Variants in YWHAZ observed in about 807,000 individuals in gnomAD.
YWHAZ encodes tyrosine 3-monooxygenase/tryptophan 5-monooxygenase activation protein zeta.
For synonymous variants in YWHAZ, 87 were observed against 103.6 expected, an observed-to-expected ratio of 0.84 and a Z score of 0.97; for missense variants, 79 against 284.8, an observed-to-expected ratio of 0.28 and a Z score of 5.20.
rs1171670101 is a variant in YWHAZ, at chr8:100,920,602, G to A, written c.*91C>T. 3.0e-5 allele frequency: 37 copies of A among 1,231,500 alleles called. No individual in the cohort carries two copies. In the South Asian group the frequency reaches 3.8e-4, roughly 13 times the overall value. The allele number at this position is 1,231,500 out of a possible 1,614,324, so 76.3% of individuals were successfully genotyped here. On this transcript the variant is annotated 3_prime_UTR_variant, in exon 6 of 6. Coordinates refer to ENST00000395958, the MANE Select transcript of YWHAZ (RefSeq NM_145690.3). ...AAGTAACATAAACCTGTCATAAATC[G>A]TAAACAAAAAACTATTTGTGGGACA...
rs1813392261 is a variant in YWHAZ at position 100,926,738 on chromosome 8, A to T, written c.295-1699T>A. 2.0e-5 allele frequency among the ~76,000 whole-genome samples: 3 copies of T among 152,260 alleles called. No homozygotes were observed. The South Asian group carries it at 6.2e-4, about 31-fold the overall frequency. ...TCATATTCAAAGTTCTCTTAGCTGC[A>T]AAAGTGTTTTGTCCTTTGAATACAA... is the stretch of plus-strand genomic sequence containing the variant. On this transcript the variant is annotated intron_variant, in intron 2 of 5. Coordinates refer to ENST00000395958, the MANE Select transcript of YWHAZ (RefSeq NM_145690.3).
intron 2 of YWHAZ, among the ~76,000 whole-genome samples, chr8:100,928,729 G>A (rs930868495): frequency 3.3e-5 from 5 of 150,266 alleles, no homozygotes; most frequent in East Asian, 2.0e-4. Flanking sequence ...GTGAAACTCC[G>A]TCTTAAAAAG....
chr8:100,943,965 C>CT (rs1271542607), intron 2 of YWHAZ, among the ~76,000 whole-genome samples: 3 of 132,688 alleles, frequency 2.3e-5, no homozygotes, highest in Non-Finnish European at 4.6e-5. Context: ...CCAGCCTAGG[C>CT]GACAGAGCAA....
In YWHAZ at chr8:100,950,005, C is replaced by T. The variant is rs367942457; in HGVS notation, c.-11-1105G>A. Among the ~76,000 whole-genome samples the T allele has an allele frequency of 5.9e-5, 9 of 152,252 alleles. No homozygotes were observed. The East Asian group carries it at 1.3e-3, about 23-fold the overall frequency. ...AAGTTAGAAGGTGAACAGAAGAGTC[C>T]ACCTTGGCAGCTGGCTCCCGAATAT... On this transcript the variant is annotated intron_variant, in intron 1 of 5. Coordinates refer to ENST00000395958, the MANE Select transcript of YWHAZ (RefSeq NM_145690.3).
At chr8:100,945,046 T>C (rs566811180) in intron 2 of YWHAZ, among the ~76,000 whole-genome samples, 4 of 152,312 alleles carry the variant, frequency 2.6e-5, no homozygotes, top group African/African-American at 4.8e-5. Context: ...TTTAAAGAGG[T>C]ACTAGTGTTG....
chr8:100,943,417 T>A (rs1395055986), intron 2 of YWHAZ, among the ~76,000 whole-genome samples: 2 of 152,234 alleles, frequency 1.3e-5, no homozygotes, highest in African/African-American at 4.8e-5. Flanking sequence ...TTAAAAATTC[T>A]CACACACACA....
chr8:100,951,555 G>A (rs1287673862), intron 1 of YWHAZ: 3 of 985,292 alleles, frequency 3.0e-6, no homozygotes, highest in Non-Finnish European at 3.6e-6. Context: ...GCAGAGACAA[G>A]GGTGGGGATG....
intron 2 of YWHAZ, among the ~76,000 whole-genome samples, chr8:100,926,579 A>G (rs1813380918): frequency 6.6e-6 from 1 of 152,206 alleles, no homozygotes; most frequent in Non-Finnish European, 1.5e-5. Flanking sequence ...AGGTTGCACC[A>G]CTGCACTGCA....
intron 2 of YWHAZ, among the ~76,000 whole-genome samples, chr8:100,928,319 T>A (rs1043287284): frequency 1.3e-5 from 2 of 151,896 alleles, no homozygotes; most frequent in Admixed American, 1.3e-4. Flanking sequence ...GGCCTACTTC[T>A]AATAAATCGT....
chr8:100,926,256 T>A (rs989993691), intron 2 of YWHAZ, among the ~76,000 whole-genome samples: 1 of 150,856 alleles, frequency 6.6e-6, no homozygotes, highest in East Asian at 1.9e-4. Context: ...GAAGTGGCAG[T>A]AGGGCCAGAT....
chr8:100,951,132 G>C, intron 1 of YWHAZ: 1 of 980,984 alleles, frequency 1.0e-6, no homozygotes, highest in Non-Finnish European at 1.2e-6. Flanking sequence ...TCCCACCGCG[G>C]AGCCCAGGAA....
rs542950519 is a variant in YWHAZ, at chr8:100,937,737, A to G, written c.294+10859T>C. Among the ~76,000 whole-genome samples the G allele has an allele frequency of 2.5e-4, 38 of 152,362 alleles. 1 individual carries two copies. In the East Asian group the frequency reaches 6.0e-3, roughly 24 times the overall value. On this transcript the variant is annotated intron_variant, in intron 2 of 5. Coordinates refer to ENST00000395958, the MANE Select transcript of YWHAZ (RefSeq NM_145690.3). Reference sequence around the variant, plus strand: ...AGACATGCCTGCTTTCATACAAAGCATACACACACCAGAAGTTAAAAGGTT... The same window carrying G: ...AGACATGCCTGCTTTCATACAAAGCGTACACACACCAGAAGTTAAAAGGTT...
chr8:100,936,708 G>C (rs1329186236), intron 2 of YWHAZ, among the ~76,000 whole-genome samples: 2 of 152,136 alleles, frequency 1.3e-5, no homozygotes, highest in African/African-American at 4.8e-5. Flanking sequence ...GGCTGAGGCA[G>C]GTGAATCGCT....
Position 100,917,999 on chromosome 8 carries a change from C to T in YWHAZ, c.*2694G>A, listed in dbSNP as rs924736449. 6.6e-6 allele frequency: 1 copy of T among 152,074 alleles called. No individual in the cohort carries two copies. The highest frequency in any genetic ancestry group is 6.6e-5 in the Admixed American group (1 of 15,246). The allele number at this position is 152,074 out of a possible 1,614,324, so 9.4% of individuals were successfully genotyped here. ...ATCAACCTAGTTCAGATGACTGATG[C>T]ACATTAAATAGGCAAATGTGCCAAG... On this transcript the variant is annotated 3_prime_UTR_variant, in exon 6 of 6. Transcript: ENST00000395958.
intron 2 of YWHAZ, among the ~76,000 whole-genome samples, chr8:100,945,996 A>G (rs1810237525): frequency 6.6e-6 from 1 of 152,194 alleles, no homozygotes; most frequent in Admixed American, 6.5e-5. Context: ...CTTCAAAGCC[A>G]TTTGTATAGT....
intron 2 of YWHAZ, among the ~76,000 whole-genome samples, chr8:100,944,963 C>T (rs568982764): frequency 1.3e-5 from 2 of 152,178 alleles, no homozygotes; most frequent in African/African-American, 2.4e-5. Context: ...GCTTCCTAGA[C>T]TGTATTTCCT....
At chr8:100,923,602 T>C (rs1813173171) in intron 5 of YWHAZ, 1 of 164,052 alleles carries the variant, frequency 6.1e-6, no homozygotes, top group Admixed American at 6.1e-5. Flanking sequence ...GTAACTCAAG[T>C]TATTAATTCC....
intron 2 of YWHAZ, among the ~76,000 whole-genome samples, chr8:100,944,461 T>A (rs114323348): frequency 1.1e-4 from 16 of 152,160 alleles, no homozygotes; most frequent in Admixed American, 3.3e-4. Context: ...TCAACTGCAG[T>A]TGCCAACTGT....
chr8:100,942,447 AC>A (rs1809937794), intron 2 of YWHAZ, among the ~76,000 whole-genome samples: 1 of 152,226 alleles, frequency 6.6e-6, no homozygotes, highest in Non-Finnish European at 1.5e-5. Flanking sequence ...ATAGAAATAC[AC>A]ATAATAAAAA....
Sources: gnomAD v4.1 joint callset for allele counts (sites outside exome capture counted in the v4.1 genomes callset) on GRCh38, gnomAD v4.1.1 for gene constraint, MANE v1.5 for transcripts, NCBI Gene and HGNC (gene_info 2026-07-23, HGNC 2026-07-21) for gene names.